The following PLEKHJ1 variants were observed in gnomAD, a reference collection of about 807,000 sequenced individuals.
PLEKHJ1 encodes the protein pleckstrin homology domain containing J1.
In PLEKHJ1, 20 loss-of-function variants were observed where a neutral mutation model predicts 21.7. The ratio of observed to expected loss-of-function variants is 0.92; its 90% CI spans 0.65 to 1.34. PLEKHJ1 has a LOEUF of 1.34. Among genes scored for constraint, PLEKHJ1 ranks in the 40% most tolerant of loss-of-function variants. PLEKHJ1 has a pLI of 0.00. For synonymous variants in PLEKHJ1, 113 were observed against 80.6 expected (o/e 1.40, Z -2.15); for missense variants, 241 against 202.0 (o/e 1.19, Z -1.17).
In PLEKHJ1 at chr19:2,234,059, T is replaced by A; in HGVS notation, c.323A>T (p.Tyr108Phe). 1 of 1,613,562 alleles carries A rather than the reference T, an allele frequency of 6.2e-7. No homozygotes were observed. The highest frequency in any genetic ancestry group is 8.5e-7 in the Non-Finnish European group (1 of 1,180,010). The change falls in exon 5 of 6, where the codon TAC (tyrosine) becomes TTC (phenylalanine). Residue 108 changes from tyrosine to phenylalanine, a missense_variant and splice_region_variant. Tyr to Phe is a conservative substitution (Grantham distance 22, BLOSUM62 3). Transcript: ENST00000326631. ...GATGAGGCTTCTCCGCATGAACTCG[T>A]AGCTGGGGAAAAGGGTGGCACGGGG... ...EWMEALRRAS[Y>F]EFMRRSLIFY...
At chr19:2,230,269 C>T (rs921848589), downstream of PLEKHJ1, 5 of 426,490 alleles carry the variant, frequency 1.2e-5, no homozygotes, top group East Asian at 3.5e-5. Context: ...GCTCCCCCGA[C>T]GCGCTGCTCC....
rs767519461 is a variant in PLEKHJ1 at position 2,234,134 on chromosome 19, C to A, written c.320+16G>T. 11 of 1,612,458 alleles carry A rather than the reference C, an allele frequency of 6.8e-6. No homozygotes were observed. Among genetic ancestry groups the A allele is most frequent in the Middle Eastern group, 1.6e-4 (1 of 6,062 alleles). On this transcript the variant is annotated intron_variant, in intron 4 of 5. Coordinates refer to ENST00000326631, the MANE Select transcript of PLEKHJ1 (RefSeq NM_018049.3). ...CTGTGCCCACCCCAGCAGTGCCCAC[C>A]ACCGCCTGGCCCCACCTGGCCCGAC...
chr19:2,232,612 C>T (rs2024653983), downstream of PLEKHJ1: 1 of 189,326 alleles, frequency 5.3e-6, no homozygotes, highest in Non-Finnish European at 1.1e-5. Context: ...TTCCAGGTGG[C>T]ATGAGGCGTC....
At chr19:2,235,518 A>G in intron 3 of PLEKHJ1, 1 of 544,908 alleles carries the variant, frequency 1.8e-6, no homozygotes, top group South Asian at 2.4e-5. Context: ...CTGGGCCCAC[A>G]GGGAACAAAG....
chr19:2,230,059 G>A (rs941977378), downstream of PLEKHJ1: 28 of 604,378 alleles, frequency 4.6e-5, no homozygotes, highest in African/African-American at 4.8e-4. Flanking sequence ...GTGGTAAAAG[G>A]CAACTTATTG....
At chr19:2,232,987 C>A (rs913851255), downstream of PLEKHJ1, among the ~76,000 whole-genome samples, 3 of 152,188 alleles carry the variant, frequency 2.0e-5, no homozygotes, top group African/African-American at 7.2e-5. Context: ...CAGCTCTGTT[C>A]TCCCCAGGCC....
At position 2,233,420 on chromosome 19, in the gene PLEKHJ1, G is replaced by C. The variant is rs1364796025; in HGVS notation, c.*420C>G. On this transcript the variant is annotated 3_prime_UTR_variant, in exon 6 of 6. Transcript: ENST00000326631. The stretch of plus-strand genomic sequence containing the variant: ...CACCTGTGGGAAGGCGCATATCCTG[G>C]CGGCAGCAGCACGTGGCACCAGGTG... The C allele has an allele frequency of 8.9e-6, 2 of 223,694 alleles. No homozygotes were observed. The highest frequency in any genetic ancestry group is 1.8e-5 in the Non-Finnish European group (2 of 112,312). The allele number at this position is 223,694 out of a possible 1,614,324, so 13.9% of individuals were successfully genotyped here.
rs1489538866 is a variant in PLEKHJ1, at chr19:2,233,903, G to A, written c.387C>T (p.Asp129=). 4 of 1,612,708 alleles carry A rather than the reference G, an allele frequency of 2.5e-6. No individual in the cohort carries two copies. The highest frequency in any genetic ancestry group is 1.7e-4 in the Middle Eastern group (1 of 6,044). ...CGGATATGCCGAACTGTTCCAGGGGGTCCTGTGGGGAGGACGGGTGGCCAT... is the reference window on the plus strand; with the variant it reads ...CGGATATGCCGAACTGTTCCAGGGGATCCTGTGGGGAGGACGGGTGGCCAT... ...RNEIRKVTGK[D]PLEQFGISEE... Residue 129 remains aspartate, a splice_region_variant and synonymous_variant, in exon 6 of 6, where the codon GAC becomes GAT. Coordinates refer to ENST00000326631, the MANE Select transcript of PLEKHJ1 (RefSeq NM_018049.3).
At position 2,233,665 on chromosome 19, in the gene PLEKHJ1, G is replaced by GAAGGTC. The variant is rs1451198097; in HGVS notation, c.*169_*174dup. On this transcript the variant is annotated 3_prime_UTR_variant, in exon 6 of 6. Coordinates refer to ENST00000326631, the MANE Select transcript of PLEKHJ1 (RefSeq NM_018049.3). ...GAGGCAGGAGGATCACTTGAGTCCA[G>GAAGGTC]AAGGTCAAGGTCACAGTGAGCTGTG... 2.5e-5 allele frequency: 15 copies of GAAGGTC among 607,596 alleles called. No homozygotes were observed. The highest frequency in any genetic ancestry group is 4.3e-5 in the Non-Finnish European group (15 of 347,838). 37.6% of individuals were successfully genotyped at this position (607,596 alleles called of 1,614,324 possible). A position where few individuals can be genotyped will look rare whatever the true frequency, so the allele number is the denominator to read the frequency against.
In PLEKHJ1 at chr19:2,236,257, G is replaced by T; in HGVS notation, c.-9C>A. 7.2e-7 allele frequency: 1 copy of T among 1,381,130 alleles called. No individual in the cohort carries two copies. 85.6% of individuals were successfully genotyped at this position (1,381,130 alleles called of 1,614,324 possible). A position where few individuals can be genotyped will look rare whatever the true frequency, so the allele number is the denominator to read the frequency against. On this transcript the variant is annotated 5_prime_UTR_variant, in exon 1 of 6. Coordinates refer to ENST00000326631, the MANE Select transcript of PLEKHJ1 (RefSeq NM_018049.3). ...TTCTCGTTGTACCGCATGGCTCCGC[G>T]GGGAACGGGAACCCGGGCCGCGCCC...
chr19:2,232,256 GCA>G (rs1307368002), downstream of PLEKHJ1: 3 of 217,610 alleles, frequency 1.4e-5, no homozygotes, highest in Admixed American at 5.8e-5. Context: ...CATGAGGCAC[GCA>G]CAGTGACTTA....
intron 3 of PLEKHJ1, 67 bp from the exon 4 acceptor site, chr19:2,234,307 A>C: frequency 8.1e-7 from 1 of 1,227,944 alleles, no homozygotes; most frequent in Non-Finnish European, 1.2e-6. Context: ...GCCATTGCCC[A>C]TAAACTGTCC....
downstream of PLEKHJ1, chr19:2,231,416 G>T (rs1307020420): frequency 4.9e-6 from 1 of 204,740 alleles, no homozygotes; most frequent in African/African-American, 2.3e-5. Context: ...GGCTTCTGTG[G>T]TTGCTAGGTG....
downstream of PLEKHJ1, chr19:2,231,968 TGTG>T (rs753463493): frequency 9.5e-6 from 2 of 210,350 alleles, no homozygotes; most frequent in Non-Finnish European, 1.9e-5. Context: ...CGTGAACTAG[TGTG>T]GTGGCTGCCT....
At chr19:2,230,350 C>G (rs142895997), downstream of PLEKHJ1, 137 of 412,230 alleles carry the variant, frequency 3.3e-4, 1 homozygote, top group African/African-American at 2.7e-3. Flanking sequence ...CCTTCCTGAG[C>G]GCCCTGGCGC....
At chr19:2,234,262 T>G in intron 3 of PLEKHJ1, 22 bp from the exon 4 acceptor site, 1 of 1,589,638 alleles carries the variant, frequency 6.3e-7, no homozygotes, top group South Asian at 1.1e-5. Flanking sequence ...ACACCTGTGG[T>G]CGGTCCTACC....
intron 2 of PLEKHJ1, 47 bp downstream of exon 2, chr19:2,235,876 C>A: frequency 6.3e-7 from 1 of 1,589,972 alleles, no homozygotes; most frequent in South Asian, 1.1e-5. Flanking sequence ...ACCCGGCCTC[C>A]GAGGGGCCCA....
downstream of PLEKHJ1, among the ~76,000 whole-genome samples, chr19:2,232,797 C>T (rs1220913128): frequency 1.3e-5 from 2 of 152,194 alleles, no homozygotes; most frequent in African/African-American, 2.4e-5. Context: ...GGGCACCAGG[C>T]CACAGGCAAA....
Position 2,233,679 on chromosome 19 carries a change from C to CA in PLEKHJ1, c.*160dup. On this transcript the variant is annotated 3_prime_UTR_variant, in exon 6 of 6. Coordinates refer to ENST00000326631, the MANE Select transcript of PLEKHJ1 (RefSeq NM_018049.3). Reference sequence around the variant, plus strand: ...ACTTGAGTCCAGAAGGTCAAGGTCACAGTGAGCTGTGGCACCACTGCACTC... The same window carrying CA: ...ACTTGAGTCCAGAAGGTCAAGGTCACAAGTGAGCTGTGGCACCACTGCACTC... 1.6e-6 allele frequency: 1 copy of CA among 635,400 alleles called. No homozygotes were observed. Among genetic ancestry groups the CA allele is most frequent in the Middle Eastern group, 4.3e-4 (1 of 2,324 alleles). 39.4% of individuals were successfully genotyped at this position (635,400 alleles called of 1,614,324 possible).
Sources: allele counts gnomAD v4.1 joint callset (sites outside exome capture counted in the v4.1 genomes callset), GRCh38; gene constraint gnomAD v4.1.1; transcripts MANE v1.5; gene names NCBI Gene and HGNC (gene_info 2026-07-23, HGNC 2026-07-21).